GUCA1B: variants seen among roughly 807,000 people sequenced by gnomAD.
The protein encoded by GUCA1B is guanylyl cyclase-activating protein 2.
Under a neutral mutation model 24.2 loss-of-function variants are expected in GUCA1B, and 22 were observed. That is an observed-to-expected ratio of 0.91 (90% CI 0.65 to 1.30). The LOEUF (loss-of-function observed/expected upper bound fraction) is 1.30, where lower values mean the gene tolerates loss of function less well. GUCA1B is among the 50% of genes most tolerant of loss of function. The probability of loss-of-function intolerance (pLI) is 0.00; values close to 1 mark genes in which losing one functional copy is unlikely to be tolerated. For missense variants in GUCA1B, 221 were observed against 258.8 expected (o/e 0.85, Z 1.00); for synonymous variants, 100 against 97.9 (o/e 1.02, Z -0.13).
In GUCA1B at chr6:42,189,990, A is replaced by G. The variant is rs560828087; in HGVS notation, c.208-1259T>C. Among the ~76,000 whole-genome samples the G allele has an allele frequency of 3.5e-4, 54 of 152,228 alleles. 1 individual carries two copies. The highest frequency in any genetic ancestry group is 3.5e-3 in the Admixed American group (54 of 15,290). ...CCCAGGAGTGCCTGTCATTCACATG[A>G]CTTTGTTATCAGAAATGACACTGAT... On this transcript the variant is annotated intron_variant, in intron 1 of 3. Coordinates refer to ENST00000230361, the MANE Select transcript of GUCA1B (RefSeq NM_002098.6).
chr6:42,187,400 G>A (rs1434062161), intron 2 of GUCA1B, among the ~76,000 whole-genome samples: 5 of 149,454 alleles, frequency 3.3e-5, no homozygotes, highest in South Asian at 4.2e-4. Context: ...CACCGTGCCC[G>A]GCCAAGGGTT....
chr6:42,190,072 T>C (rs765729996), intron 1 of GUCA1B, among the ~76,000 whole-genome samples: 1 of 152,142 alleles, frequency 6.6e-6, no homozygotes, highest in Non-Finnish European at 1.5e-5. Flanking sequence ...CAGCCCCAGA[T>C]CAAGGGGTGC....
rs548960052 is a variant in GUCA1B at position 42,183,552 on chromosome 6, C to T, written c.*1263G>A. Among the ~76,000 whole-genome samples the T allele has an allele frequency of 3.3e-5, 5 of 152,266 alleles. No individual in the cohort carries two copies. In the South Asian group the frequency reaches 1.0e-3, roughly 32 times the overall value. Reference sequence around the variant, plus strand: ...GTTTATATAACAAAAAATAATTCCACATCTAAAAACACAATAATCCAAAAC... The same window carrying T: ...GTTTATATAACAAAAAATAATTCCATATCTAAAAACACAATAATCCAAAAC... On this transcript the variant is annotated 3_prime_UTR_variant, in exon 4 of 4. Transcript: ENST00000230361.
chr6:42,192,383 GA>G (rs1768324320), intron 1 of GUCA1B, among the ~76,000 whole-genome samples: 3 of 63,914 alleles, frequency 4.7e-5, no homozygotes, highest in South Asian at 7.7e-4. Context: ...AAAAAAAAGA[GA>G]GAAAAGAAAA....
In GUCA1B at chr6:42,184,135, C is replaced by T. The variant is rs1270036815; in HGVS notation, c.*680G>A. ...AGACGGAGTCTCACTGTCGTCCAGG[C>T]TGGAGTGCAGTGGCGCAATCTCGGC... On this transcript the variant is annotated 3_prime_UTR_variant, in exon 4 of 4. Transcript: ENST00000230361. Among the ~76,000 whole-genome samples the T allele has an allele frequency of 2.6e-5, 4 of 151,336 alleles. No homozygotes were observed. Among genetic ancestry groups the T allele is most frequent in the Non-Finnish European group, 5.9e-5 (4 of 67,832 alleles).
intron 1 of GUCA1B, among the ~76,000 whole-genome samples, chr6:42,189,912 T>C (rs911565938): frequency 1.3e-5 from 2 of 152,332 alleles, no homozygotes; most frequent in Admixed American, 6.5e-5. Flanking sequence ...TGCTCACTTA[T>C]TCCAAGGTTG....
intron 2 of GUCA1B, among the ~76,000 whole-genome samples, chr6:42,187,416 T>A (rs1768212814): frequency 7.1e-6 from 1 of 140,784 alleles, no homozygotes; most frequent in African/African-American, 3.0e-5. Context: ...GGGTTTATTT[T>A]ACTTTTTTTT....
chr6:42,194,219 C>T (rs1189016282), intron 1 of GUCA1B, among the ~76,000 whole-genome samples: 1 of 152,220 alleles, frequency 6.6e-6, no homozygotes, highest in Non-Finnish European at 1.5e-5. Flanking sequence ...TTTAGAACAT[C>T]TCTTTTGCTC....
chr6:42,185,398 A>C (rs551439127), intron 3 of GUCA1B, among the ~76,000 whole-genome samples: 51 of 152,330 alleles, frequency 3.3e-4, no homozygotes, highest in African/African-American at 1.2e-3. Context: ...AATTGAGACT[A>C]GGACGAGAAG....
rs1562062803 is a variant in GUCA1B, at chr6:42,186,614, A to AAGC, written c.358-818_358-817insGCT. Reference sequence around the variant, plus strand: ...TCTCAGAAAAAAAAAAGAAAGAAAGAAAGCACCATGTAAATGCGGAAGAGA... The same window carrying AAGC: ...TCTCAGAAAAAAAAAAGAAAGAAAGAAGCAAGCACCATGTAAATGCGGAAGAGA... On this transcript the variant is annotated intron_variant, in intron 2 of 3. Coordinates refer to ENST00000230361, the MANE Select transcript of GUCA1B (RefSeq NM_002098.6). 8.4e-3 allele frequency among the ~76,000 whole-genome samples: 1,277 copies of AAGC among 151,882 alleles called. 16 individuals are homozygous for AAGC. The highest frequency in any genetic ancestry group is 0.029 in the African/African-American group (1,190 of 41,302).
Position 42,194,921 on chromosome 6 carries a change from G to A in GUCA1B, c.-101C>T. 3.6e-6 allele frequency: 3 copies of A among 837,450 alleles called. No individual in the cohort carries two copies. The highest frequency in any genetic ancestry group is 1.4e-5 in the South Asian group (1 of 69,740). The allele number at this position is 837,450 out of a possible 1,614,324, so 51.9% of individuals were successfully genotyped here. ...GGGCCCTCTTCCTCCCTTTCCAGGA[G>A]GCCTGATCAGCCTCTCCATCATCTC... On this transcript the variant is annotated 5_prime_UTR_variant, in exon 1 of 4. Transcript: ENST00000230361.
Position 42,194,832 on chromosome 6 carries a change from G to C in GUCA1B, c.-12C>G. On this transcript the variant is annotated 5_prime_UTR_variant, in exon 1 of 4. Transcript: ENST00000230361. ...AACTCCTGCCCCATGCTAGCCCTGA[G>C]GAGCATCAGGGAGCAAGGGTCTGTA... 1 of 1,538,924 alleles carries C rather than the reference G, an allele frequency of 6.5e-7. No individual in the cohort carries two copies. Among genetic ancestry groups the C allele is most frequent in the Non-Finnish European group, 8.8e-7 (1 of 1,135,384 alleles).
rs1311429173 is a variant in GUCA1B, at chr6:42,194,537, G to A, written c.207+77C>T. 4.6e-6 allele frequency: 4 copies of A among 875,328 alleles called. No homozygotes were observed. The South Asian group carries it at 5.3e-5, about 12-fold the overall frequency. The allele number at this position is 875,328 out of a possible 1,614,324, so 54.2% of individuals were successfully genotyped here. A position where few individuals can be genotyped will look rare whatever the true frequency, so the allele number is the denominator to read the frequency against. ...AAAGAGCCGAGGAGTGGGGAACTGG[G>A]AGCTCTCCCTGAGGACACTTGTGGA... On this transcript the variant is annotated intron_variant, in intron 1 of 3. Transcript: ENST00000230361.
chr6:42,188,913 A>ATC (rs969454433), intron 1 of GUCA1B, among the ~76,000 whole-genome samples, 182 bp from the exon 2 acceptor site: 89 of 135,438 alleles, frequency 6.6e-4, no homozygotes, highest in Non-Finnish European at 9.2e-4. Flanking sequence ...TATCTATATC[A>ATC]TCTCTCTCTC....
At chr6:42,188,310 G>GTGTC (rs200904259) in intron 2 of GUCA1B, among the ~76,000 whole-genome samples, 11,691 of 114,976 alleles carry the variant, frequency 0.1, 1,466 homozygotes, top group African/African-American at 0.36. Context: ...GTGTGTGTGT[G>GTGTC]TGTGTGTGTG....
intron 2 of GUCA1B, among the ~76,000 whole-genome samples, chr6:42,187,758 T>C (rs192632444): frequency 1.3e-5 from 2 of 152,164 alleles, no homozygotes; most frequent in Middle Eastern, 3.4e-3. Context: ...TTTCCTGAGA[T>C]GGTTTCTTAG....
At chr6:42,188,293 C>CGTGTGTGTGT (rs151241798) in intron 2 of GUCA1B, among the ~76,000 whole-genome samples, 8 of 143,580 alleles carry the variant, frequency 5.6e-5, no homozygotes, top group Admixed American at 2.1e-4. Flanking sequence ...AGATACTTGT[C>CGTGTGTGTGT]GTGTGTGTGT....
chr6:42,191,210 C>G (rs1447458597), intron 1 of GUCA1B, among the ~76,000 whole-genome samples: 1 of 152,154 alleles, frequency 6.6e-6, no homozygotes, highest in Non-Finnish European at 1.5e-5. Flanking sequence ...CCAGCCCTGA[C>G]TTCAATGCAT....
Position 42,188,639 on chromosome 6 carries a change from G to C in GUCA1B, c.300C>G (p.Ile100Met), listed in dbSNP as rs149794881. The change falls in exon 2 of 4, where the codon ATC (isoleucine) becomes ATG (methionine). Residue 100 changes from isoleucine (I) to methionine (M), a missense_variant. Transcript: ENST00000230361. ...LEHKLKWTFK[I>M]YDKDGNGCID... ...TGCAGCCATTGCCATCCTTATCATA[G>C]ATCTTGAATGTCCACTTCAGCTTGT... 14 of 1,613,924 alleles carry C rather than the reference G, an allele frequency of 8.7e-6. No individual in the cohort carries two copies. In the African/African-American group the frequency reaches 1.9e-4, roughly 22 times the overall value.
Sources: gnomAD v4.1 joint callset for allele counts (sites outside exome capture counted in the v4.1 genomes callset) on GRCh38, gnomAD v4.1.1 for gene constraint, MANE v1.5 for transcripts, NCBI Gene and HGNC (gene_info 2026-07-23, HGNC 2026-07-21) for gene names.